The following GPR160 variants were observed in gnomAD, a reference collection of about 807,000 sequenced individuals.
GPR160 encodes the protein G protein-coupled receptor 160, also known as probable G protein-coupled receptor 160.
Under a neutral mutation model 2.6 loss-of-function variants are expected in GPR160, and 2 were observed. The observed-to-expected ratio is 0.77, with a 90% CI of 0.32 to 2.44. GPR160 has a LOEUF of 2.44. Among genes scored for constraint, GPR160 ranks in the 30% most tolerant of loss-of-function variants. The pLI is 0.11. For missense variants in GPR160, 351 were observed against 383.6 expected, an observed-to-expected ratio of 0.91 and a Z score of 0.71; for synonymous variants, 130 against 132.2, an observed-to-expected ratio of 0.98 and a Z score of 0.12.
rs148371229 is a variant in GPR160, at chr3:170,048,092, G to C, written c.-193+9049G>C. ...GATCCACCCGCCTTGGCCTCCCAAAGTGCTGGGATTACAGGCGTGAGCCAC... is the reference window on the plus strand; with the variant it reads ...GATCCACCCGCCTTGGCCTCCCAAACTGCTGGGATTACAGGCGTGAGCCAC... On this transcript the variant is annotated intron_variant, in intron 2 of 3. Transcript: ENST00000355897. 4.6e-3 allele frequency among the ~76,000 whole-genome samples: 699 copies of C among 152,316 alleles called. 1 individual carries two copies. Among genetic ancestry groups the C allele is most frequent in the Middle Eastern group, 6.8e-3 (2 of 294 alleles).
At position 170,084,861 on chromosome 3, in the gene GPR160, C is replaced by A; in HGVS notation, c.889C>A (p.His297Asn). The change falls in exon 4 of 4, where the codon CAC (histidine) becomes AAC (asparagine). Residue 297 changes from histidine (H) to asparagine (N), a missense_variant. Transcript: ENST00000355897. Reference sequence around the variant, plus strand: ...TGCTACAGTGTATTGGTTTAATTGTCACAAGCTTAATTTAAAAGACATTGG... The same window carrying A: ...TGCTACAGTGTATTGGTTTAATTGTAACAAGCTTAATTTAAAAGACATTGG... The part of the protein sequence containing the change: ...LIATVYWFNC[H>N]KLNLKDIGLP... 6.2e-7 allele frequency: 1 copy of A among 1,609,608 alleles called. No individual in the cohort carries two copies. The highest frequency in any genetic ancestry group is 8.5e-7 in the Non-Finnish European group (1 of 1,176,380).
intron 2 of GPR160, among the ~76,000 whole-genome samples, chr3:170,060,699 A>G (rs1411573912): frequency 6.6e-6 from 1 of 152,168 alleles, no homozygotes; most frequent in African/African-American, 2.4e-5. Flanking sequence ...TGAGCCCAGG[A>G]GTTCTAGGTT....
rs1317758418 is a variant in GPR160, at chr3:170,056,884, A to G, written c.-193+17841A>G. Among the ~76,000 whole-genome samples, 5 of 152,226 alleles carry G rather than the reference A, an allele frequency of 3.3e-5. No individual in the cohort carries two copies. In the East Asian group the frequency reaches 9.6e-4, roughly 29 times the overall value. ...CAGTAACTATAATGTGGGTATATGC[A>G]GAATACCACATTTCATACATCAGTG... On this transcript the variant is annotated intron_variant, in intron 2 of 3. Coordinates refer to ENST00000355897, the MANE Select transcript of GPR160 (RefSeq NM_014373.3).
chr3:170,055,899 G>T (rs1468892291), intron 2 of GPR160, among the ~76,000 whole-genome samples: 1 of 152,236 alleles, frequency 6.6e-6, no homozygotes, highest in Admixed American at 6.5e-5. Flanking sequence ...CTCCCAAAGT[G>T]CTGGGATTAC....
At chr3:170,055,697 C>T (rs903887844) in intron 2 of GPR160, among the ~76,000 whole-genome samples, 3 of 152,158 alleles carry the variant, frequency 2.0e-5, no homozygotes, top group Middle Eastern at 3.4e-3. Flanking sequence ...TGCAGTGGCG[C>T]GATCCCGGCT....
At chr3:170,058,041 T>C (rs2091067171) in intron 2 of GPR160, 1 of 152,216 alleles carries the variant, frequency 6.6e-6, no homozygotes, top group African/African-American at 2.4e-5. Context: ...AGTAAGTATG[T>C]TTAGAATTCT....
intron 2 of GPR160, among the ~76,000 whole-genome samples, chr3:170,071,652 C>T (rs138075326): frequency 1.1e-3 from 164 of 152,154 alleles, no homozygotes; most frequent in African/African-American, 3.8e-3. Flanking sequence ...AAAAATTAGC[C>T]GGGCATGGTG....
chr3:170,076,308 A>G lies in GPR160; in HGVS notation c.-192-3466A>G, dbSNP rs190136003. Among the ~76,000 whole-genome samples, 12 of 152,322 alleles carry G rather than the reference A, an allele frequency of 7.9e-5. No individual in the cohort carries two copies. The East Asian group carries it at 1.9e-3, about 24-fold the overall frequency. ...TATTTTCTATATTGAATATAACTGT[A>G]CTGTGCAAATGGATGAATGCAAAAC... is the stretch of plus-strand genomic sequence containing the variant. On this transcript the variant is annotated intron_variant, in intron 2 of 3. Transcript: ENST00000355897.
intron 2 of GPR160, among the ~76,000 whole-genome samples, chr3:170,073,881 A>ATTTTTTTTTTT (rs35575462): frequency 1.2e-5 from 1 of 81,880 alleles, no homozygotes; most frequent in Non-Finnish European, 2.3e-5. Context: ...TTTAATAGGG[A>ATTTTTTTTTTT]TTTTTTTTTT....
Position 170,084,683 on chromosome 3 carries a change from A to AAAAAT in GPR160, c.713_717dup (p.Phe240LysfsTer23). 1.9e-6 allele frequency: 3 copies of AAAAAT among 1,612,248 alleles called. No homozygotes were observed. Among genetic ancestry groups the AAAAAT allele is most frequent in the Non-Finnish European group, 2.5e-6 (3 of 1,178,590 alleles). ...ACTCCAGTTATACTGTGAGATCTAA[A>AAAAAT]AAAATATTCTTATCCAAGCTCATTG... On this transcript the variant is annotated frameshift_variant, in exon 4 of 4. Transcript: ENST00000355897. LOFTEE classifies it high-confidence loss of function.
At chr3:170,041,072 A>T (rs902562097) in intron 2 of GPR160, among the ~76,000 whole-genome samples, 4 of 152,144 alleles carry the variant, frequency 2.6e-5, no homozygotes, top group African/African-American at 9.7e-5. Context: ...AGTGATTCTG[A>T]GAGGGAGCTG....
At chr3:170,043,550 T>C (rs1357366520) in intron 2 of GPR160, among the ~76,000 whole-genome samples, 1 of 152,216 alleles carries the variant, frequency 6.6e-6, no homozygotes. Context: ...CAAATGGAAG[T>C]TGTAGCTAGA....
chr3:170,084,968 T>C lies in GPR160; in HGVS notation c.996T>C (p.Pro332=). 6.5e-7 allele frequency: 1 copy of C among 1,530,234 alleles called. No individual in the cohort carries two copies. The highest frequency in any genetic ancestry group is 8.8e-7 in the Non-Finnish European group (1 of 1,131,618). 94.8% of individuals were successfully genotyped at this position (1,530,234 alleles called of 1,614,324 possible). The change falls in exon 4 of 4, where the codon CCT becomes CCC. Residue 332 remains proline, a synonymous_variant. Transcript: ENST00000355897. ...CTAATCTTGAGCAAATTGAAAAGCC[T>C]ATATCAATAATGATTTGTTAATATT... ...TIPNLEQIEK[P]ISIMIC
intron 3 of GPR160, chr3:170,083,319 A>G (rs1476474339): frequency 6.6e-6 from 1 of 152,218 alleles, no homozygotes; most frequent in African/African-American, 2.4e-5. Flanking sequence ...TCCAGAAGAT[A>G]AACACTTTTC....
At chr3:170,046,822 A>G (rs1321140789) in intron 2 of GPR160, among the ~76,000 whole-genome samples, 1 of 152,192 alleles carries the variant, frequency 6.6e-6, no homozygotes, top group East Asian at 1.9e-4. Flanking sequence ...GAGGTACAGA[A>G]GTGAACCCAG....
At chr3:170,076,155 G>T (rs965157970) in intron 2 of GPR160, among the ~76,000 whole-genome samples, 2 of 152,176 alleles carry the variant, frequency 1.3e-5, no homozygotes, top group Non-Finnish European at 2.9e-5. Flanking sequence ...TGGGCAGAGT[G>T]GGGGTGTTGG....
At chr3:170,044,853 GC>G (rs1290837869) in intron 2 of GPR160, among the ~76,000 whole-genome samples, 1 of 152,128 alleles carries the variant, frequency 6.6e-6, no homozygotes, top group Admixed American at 6.5e-5. Flanking sequence ...CTTAGGCACA[GC>G]CCCCCAAGAA....
At chr3:170,076,300 A>G (rs1712845899) in intron 2 of GPR160, among the ~76,000 whole-genome samples, 1 of 152,178 alleles carries the variant, frequency 6.6e-6, no homozygotes, top group African/African-American at 2.4e-5. Flanking sequence ...TATATTGAAT[A>G]TAACTGTACT....
chr3:170,043,790 C>CAT (rs1305437119), intron 2 of GPR160, among the ~76,000 whole-genome samples: 1 of 151,928 alleles, frequency 6.6e-6, no homozygotes, highest in East Asian at 1.9e-4. Context: ...GTCGGGCCAG[C>CAT]ATAGAGCTTA....
Sources: gnomAD v4.1 joint callset for allele counts (sites outside exome capture counted in the v4.1 genomes callset) on GRCh38, gnomAD v4.1.1 for gene constraint, MANE v1.5 for transcripts, NCBI Gene and HGNC (gene_info 2026-07-23, HGNC 2026-07-21) for gene names.